BRD10: variants seen among roughly 807,000 people sequenced by gnomAD.
BRD10 encodes the protein uncharacterized bromodomain-containing protein 10.
the BRD10 span, chr9:5,914,017 C>G: frequency 2.2e-6 from 1 of 452,548 alleles, no homozygotes; most frequent in Non-Finnish European, 4.4e-6. Context: ...AGAAAAAATG[C>G]TCAAGAAAGT....
At chr9:5,927,122 G>C in the BRD10 span, among the ~76,000 whole-genome samples, 1 of 152,090 alleles carries the variant, frequency 6.6e-6, no homozygotes, top group Non-Finnish European at 1.5e-5. Context: ...ATAGTATAAA[G>C]TTCTCCTCCC....
the BRD10 span, among the ~76,000 whole-genome samples, chr9:5,945,813 T>C: frequency 6.6e-6 from 1 of 152,060 alleles, no homozygotes; most frequent in African/African-American, 2.4e-5. Context: ...GAAAAAGAAC[T>C]AGATTTCTGA....
the BRD10 span, among the ~76,000 whole-genome samples, chr9:6,003,861 G>A: frequency 6.6e-6 from 1 of 152,126 alleles, no homozygotes; most frequent in Non-Finnish European, 1.5e-5. Flanking sequence ...ATTTCAAAAG[G>A]TAAAATAATA....
chr9:5,989,327 G>A, the BRD10 span, among the ~76,000 whole-genome samples: 57 of 148,196 alleles, frequency 3.8e-4, 1 homozygote, highest in Admixed American at 3.4e-3. Context: ...ATTAATACTT[G>A]GGAGGCTAAG....
At chr9:5,922,279 T>C in the BRD10 span, 5 of 1,613,958 alleles carry the variant, frequency 3.1e-6, no homozygotes, top group Non-Finnish European at 4.2e-6. Context: ...TTAGTGTTGT[T>C]GTTGATGACA....
At chr9:5,994,407 G>C in the BRD10 span, among the ~76,000 whole-genome samples, 1 of 152,070 alleles carries the variant, frequency 6.6e-6, no homozygotes, top group Non-Finnish European at 1.5e-5. Flanking sequence ...ACACAAAAAG[G>C]TTTTCAGGAA....
At chr9:5,974,264 G>C in the BRD10 span, among the ~76,000 whole-genome samples, 11 of 152,214 alleles carry the variant, frequency 7.2e-5, no homozygotes, top group African/African-American at 2.6e-4. Context: ...TGTCAAACTA[G>C]AACTGCATAA....
the BRD10 span, chr9:5,922,680 G>C: frequency 1.2e-6 from 2 of 1,613,928 alleles, no homozygotes; most frequent in Non-Finnish European, 8.5e-7. Flanking sequence ...TTCTTAGGCA[G>C]AATAAGAACT....
At chr9:5,932,312 TGAAAG>T in the BRD10 span, among the ~76,000 whole-genome samples, 5 of 151,972 alleles carry the variant, frequency 3.3e-5, no homozygotes, top group South Asian at 6.2e-4. Context: ...TTATTAAAGT[TGAAAG>T]GAAACTAAAA....
At chr9:5,958,171 T>C in the BRD10 span, among the ~76,000 whole-genome samples, 1 of 152,134 alleles carries the variant, frequency 6.6e-6, no homozygotes, top group East Asian at 1.9e-4. Flanking sequence ...TACAAAAGTA[T>C]ACCCTAATGA....
the BRD10 span, chr9:5,968,654 C>T: frequency 3.1e-6 from 5 of 1,613,758 alleles, no homozygotes; most frequent in South Asian, 1.1e-5. Context: ...ATCTCTGCTA[C>T]ATCTATGTTC....
chr9:5,991,122 T>C, the BRD10 span, among the ~76,000 whole-genome samples: 6 of 152,114 alleles, frequency 3.9e-5, no homozygotes, highest in Non-Finnish European at 8.8e-5. Flanking sequence ...CTGAACAAAA[T>C]ATATTTTTTA....
chr9:5,931,597 C>A, the BRD10 span, among the ~76,000 whole-genome samples: 1 of 152,050 alleles, frequency 6.6e-6, no homozygotes, highest in Non-Finnish European at 1.5e-5. Flanking sequence ...TGTTTTGTGG[C>A]CTTCTTCTCT....
At chr9:5,971,406 C>T in the BRD10 span, among the ~76,000 whole-genome samples, 1 of 152,156 alleles carries the variant, frequency 6.6e-6, no homozygotes, top group Admixed American at 6.5e-5. Flanking sequence ...GTCCACACGA[C>T]AGCTTGTATA....
chr9:5,976,610 G>A, the BRD10 span, among the ~76,000 whole-genome samples: 29 of 151,972 alleles, frequency 1.9e-4, no homozygotes, highest in African/African-American at 6.8e-4. Context: ...CTCCCTTTTT[G>A]GTTATACATA....
chr9:5,960,524 T>C, the BRD10 span, among the ~76,000 whole-genome samples: 4 of 145,586 alleles, frequency 2.7e-5, no homozygotes, highest in Non-Finnish European at 6.0e-5. Flanking sequence ...AATGCGCCAA[T>C]GCACTCCAGC....
the BRD10 span, chr9:5,920,444 T>C: frequency 2.5e-6 from 4 of 1,614,014 alleles, no homozygotes; most frequent in Non-Finnish European, 3.4e-6. Context: ...CGAAGCCGTG[T>C]GAATGGTAGT....
At chr9:6,000,623 C>T in the BRD10 span, among the ~76,000 whole-genome samples, 1 of 152,092 alleles carries the variant, frequency 6.6e-6, no homozygotes, top group Non-Finnish European at 1.5e-5. Flanking sequence ...AATTCTAAAT[C>T]ATTCTCAAAT....
the BRD10 span, chr9:5,922,763 A>C: frequency 1.9e-6 from 3 of 1,614,000 alleles, no homozygotes; most frequent in Admixed American, 5.0e-5. Flanking sequence ...GCTATTTTGA[A>C]GATCTATTGG....
Sources: allele counts gnomAD v4.1 joint callset (sites outside exome capture counted in the v4.1 genomes callset), GRCh38; gene constraint gnomAD v4.1.1; transcripts MANE v1.5; gene names NCBI Gene and HGNC (gene_info 2026-07-23, HGNC 2026-07-21).